CEP70: variants seen among roughly 807,000 people sequenced by gnomAD.
The protein encoded by CEP70 is centrosomal protein 70, also known as centrosomal protein of 70 kDa.
In CEP70, 70 loss-of-function variants were observed where a neutral mutation model predicts 90.9. That is an observed-to-expected ratio of 0.77 (90% confidence interval 0.64 to 0.94). The LOEUF is 0.94. CEP70 is among the 40% of genes least tolerant of loss of function. The probability of loss-of-function intolerance (pLI) is 0.00; values close to 1 mark genes in which losing one functional copy is unlikely to be tolerated. For synonymous variants in CEP70, 220 were observed against 228.3 expected (o/e 0.96, Z 0.33); for missense variants, 648 against 669.0 (o/e 0.97, Z 0.35).
intron 6 of CEP70, among the ~76,000 whole-genome samples, chr3:138,551,216 G>T (rs1264967529): frequency 6.6e-6 from 1 of 152,174 alleles, no homozygotes; most frequent in Non-Finnish European, 1.5e-5. Context: ...CGTATATTTA[G>T]CCTCCTTAAA....
At position 138,570,497 on chromosome 3, in the gene CEP70, T is replaced by G; in HGVS notation, c.286A>C (p.Asn96His). The G allele has an allele frequency of 6.2e-7, 1 of 1,602,560 alleles. No homozygotes were observed. Among genetic ancestry groups the G allele is most frequent in the South Asian group, 1.1e-5 (1 of 88,104 alleles). Residue 96 changes from asparagine (N) to histidine (H), a missense_variant and splice_region_variant, in exon 6 of 18, where the codon AAT becomes CAT. Asn to His is a moderately conservative substitution (Grantham distance 68). Coordinates refer to ENST00000264982, the MANE Select transcript of CEP70 (RefSeq NM_024491.4). ...CGGCTTTGCTCTAGCTGAAGTTCAT[T>G]TCTAAGTTAATAGACATACAATTTC... ...ELIETNQQLR[N>H]ELQLEQSRAA...
At chr3:138,575,923 G>T (rs893051648) in intron 2 of CEP70, among the ~76,000 whole-genome samples, 16 of 152,000 alleles carry the variant, frequency 1.1e-4, no homozygotes, top group Admixed American at 5.9e-4. Context: ...TCACCACCAG[G>T]CCTGCCTTAC....
At chr3:138,575,824 G>A (rs972951023) in intron 2 of CEP70, among the ~76,000 whole-genome samples, 68 of 152,254 alleles carry the variant, frequency 4.5e-4, no homozygotes, top group African/African-American at 1.5e-3. Context: ...AGAATTTTCA[G>A]TCCAGAATTT....
intron 6 of CEP70, among the ~76,000 whole-genome samples, chr3:138,546,466 T>C (rs1436129138): frequency 6.6e-6 from 1 of 152,142 alleles, no homozygotes; most frequent in East Asian, 1.9e-4. Context: ...AGCACTATCA[T>C]AGCCAGATGC....
chr3:138,541,147 G>T (rs1415269811), intron 6 of CEP70, among the ~76,000 whole-genome samples: 1 of 152,052 alleles, frequency 6.6e-6, no homozygotes, highest in Non-Finnish European at 1.5e-5. Flanking sequence ...TTAATGCCTG[G>T]GTGATGAAAT....
rs372636438 is a variant in CEP70 at position 138,508,188 on chromosome 3, G to A, written c.1050+251C>T. Among the ~76,000 whole-genome samples, 1,074 of 152,260 alleles carry A rather than the reference G, an allele frequency of 7.1e-3. 13 individuals carry two copies. Among genetic ancestry groups the A allele is most frequent in the African/African-American group, 0.025 (1,028 of 41,554 alleles). ...GGGGAAAGTAGGGAAAAGGATTATA[G>A]AAACTTTTAAAAATCATAAAGCTCT... On this transcript the variant is annotated intron_variant, in intron 12 of 17. Transcript: ENST00000264982.
intron 2 of CEP70, among the ~76,000 whole-genome samples, chr3:138,577,597 G>A (rs2041619979): frequency 6.6e-6 from 1 of 152,108 alleles, no homozygotes; most frequent in African/African-American, 2.4e-5. Flanking sequence ...GCAGTGAGAC[G>A]AGATGGTGCC....
intron 5 of CEP70, 31 bp downstream of exon 5, chr3:138,571,003 A>G (rs1231502071): frequency 6.6e-7 from 1 of 1,514,506 alleles, no homozygotes; most frequent in Admixed American, 2.2e-5. Context: ...GCATACAAAC[A>G]ATTCAAAAGA....
At chr3:138,560,059 G>A (rs1269803153) in intron 6 of CEP70, among the ~76,000 whole-genome samples, 1 of 152,188 alleles carries the variant, frequency 6.6e-6, no homozygotes, top group Admixed American at 6.5e-5. Context: ...TTAAATGTGA[G>A]GATTGCTGCC....
chr3:138,578,985 A>C (rs1386471363), intron 2 of CEP70, among the ~76,000 whole-genome samples: 4 of 152,220 alleles, frequency 2.6e-5, no homozygotes, highest in African/African-American at 9.6e-5. Context: ...GAGGGTAGGA[A>C]AGACATTTAT....
At chr3:138,501,539 A>G (rs994081486) in intron 13 of CEP70, among the ~76,000 whole-genome samples, 2 of 152,208 alleles carry the variant, frequency 1.3e-5, no homozygotes, top group Non-Finnish European at 2.9e-5. Context: ...GGAATTATAC[A>G]ATAAGTAGTC....
intron 8 of CEP70, among the ~76,000 whole-genome samples, chr3:138,529,770 C>A (rs541952540): frequency 1.3e-5 from 2 of 152,226 alleles, no homozygotes; most frequent in Non-Finnish European, 2.9e-5. Flanking sequence ...AAAAGCACTG[C>A]TGAATAAACA....
rs1344106022 is a variant in CEP70 at position 138,500,318 on chromosome 3, T to C, written c.1537+81A>G. Reference sequence around the variant, plus strand: ...GCTTCAGTTATCCTCAATTTTTCACTTAAACATTTTTTAATCTACTTTTTG... The same window carrying C: ...GCTTCAGTTATCCTCAATTTTTCACCTAAACATTTTTTAATCTACTTTTTG... On this transcript the variant is annotated intron_variant, in intron 15 of 17. Transcript: ENST00000264982. 2.0e-6 allele frequency: 3 copies of C among 1,517,562 alleles called. No individual in the cohort carries two copies. In the African/African-American group the frequency reaches 4.2e-5, roughly 21 times the overall value. The allele number at this position is 1,517,562 out of a possible 1,614,324, so 94.0% of individuals were successfully genotyped here.
intron 6 of CEP70, among the ~76,000 whole-genome samples, chr3:138,568,089 C>T (rs1203753718): frequency 6.6e-6 from 1 of 152,106 alleles, no homozygotes; most frequent in Non-Finnish European, 1.5e-5. Context: ...GCACAGATAG[C>T]CTTCCCCAAC....
rs141398803 is a variant in CEP70 at position 138,501,432 on chromosome 3, T to C, written c.1222-551A>G. On this transcript the variant is annotated intron_variant, in intron 13 of 17. Coordinates refer to ENST00000264982, the MANE Select transcript of CEP70 (RefSeq NM_024491.4). Reference sequence around the variant, plus strand: ...AAATCTCAGACCCACTAAGAGTCCTTCCTTCCCCATTTTCCCTTCCCTGCA... The same window carrying C: ...AAATCTCAGACCCACTAAGAGTCCTCCCTTCCCCATTTTCCCTTCCCTGCA... Among the ~76,000 whole-genome samples the C allele has an allele frequency of 1.6e-3, 249 of 152,306 alleles. 1 individual carries two copies. The highest frequency in any genetic ancestry group is 5.8e-3 in the African/African-American group (243 of 41,586).
chr3:138,577,431 G>A (rs371919758), intron 2 of CEP70, among the ~76,000 whole-genome samples: 19 of 152,192 alleles, frequency 1.2e-4, no homozygotes, highest in African/African-American at 4.6e-4. Context: ...GGCAGATCAC[G>A]AAGTCAGGAG....
chr3:138,502,148 T>G (rs993940340), intron 13 of CEP70, among the ~76,000 whole-genome samples: 1 of 152,198 alleles, frequency 6.6e-6, no homozygotes, highest in Non-Finnish European at 1.5e-5. Context: ...TATATTTTAT[T>G]TAACCCAATA....
intron 6 of CEP70, among the ~76,000 whole-genome samples, chr3:138,548,100 G>A (rs2039352757): frequency 6.6e-6 from 1 of 152,112 alleles, no homozygotes; most frequent in Non-Finnish European, 1.5e-5. Flanking sequence ...TATCTATTAT[G>A]AATATGAATG....
intron 2 of CEP70, among the ~76,000 whole-genome samples, chr3:138,589,719 TAAG>T (rs1364773765): frequency 1.3e-5 from 2 of 151,998 alleles, no homozygotes; most frequent in Non-Finnish European, 1.5e-5. Flanking sequence ...ACATGACTTA[TAAG>T]AAGAAGAAAA....
Sources: allele counts gnomAD v4.1 joint callset (sites outside exome capture counted in the v4.1 genomes callset), GRCh38; gene constraint gnomAD v4.1.1; transcripts MANE v1.5; gene names NCBI Gene and HGNC (gene_info 2026-07-23, HGNC 2026-07-21).